PREPL: variants seen among roughly 807,000 people sequenced by gnomAD.
PREPL encodes prolyl endopeptidase-like.
A neutral mutation model predicts 70.6 loss-of-function variants in PREPL; 77 were observed. The observed-to-expected ratio is 1.09, with a 90% confidence interval of 0.91 to 1.32. The LOEUF is 1.32. Among genes scored for constraint, PREPL ranks in the 40% most tolerant of loss-of-function variants. The probability of loss-of-function intolerance (pLI) is 0.00; values close to 1 mark genes in which losing one functional copy is unlikely to be tolerated. For synonymous variants in PREPL, 315 were observed against 264.8 expected (o/e 1.19, Z -1.84); for missense variants, 1,002 against 778.2 (o/e 1.29, Z -3.42).
At chr2:44,345,778 A>C (rs1675739392) in intron 2 of PREPL, among the ~76,000 whole-genome samples, 1 of 152,222 alleles carries the variant, frequency 6.6e-6, no homozygotes, top group African/African-American at 2.4e-5. Context: ...CAAAACAATC[A>C]AGTAATTTTC....
At chr2:44,328,830 AAT>A in intron 9 of PREPL, 105 bp downstream of exon 9, 1 of 1,163,896 alleles carries the variant, frequency 8.6e-7, no homozygotes, top group South Asian at 1.8e-5. Context: ...AAAATTGAAT[AAT>A]AAGAATGAAA....
At chr2:44,356,810 ATTTT>A (rs60067050) in intron 1 of PREPL, among the ~76,000 whole-genome samples, 1 of 148,156 alleles carries the variant, frequency 6.7e-6, no homozygotes, top group Non-Finnish European at 1.5e-5. Context: ...GAAACTCCCT[ATTTT>A]TTTTTTTTTG....
intron 12 of PREPL, among the ~76,000 whole-genome samples, chr2:44,322,135 G>A (rs929347975): frequency 6.6e-6 from 1 of 152,100 alleles, no homozygotes; most frequent in Non-Finnish European, 1.5e-5. Context: ...GGTGCCACAC[G>A]GACAAGGTTG....
rs1474151314 is a variant in PREPL at position 44,344,021 on chromosome 2, A to T, written c.143-70T>A. On this transcript the variant is annotated intron_variant, in intron 3 of 13. Coordinates refer to ENST00000409411, the MANE Select transcript of PREPL (RefSeq NM_001171613.2). ...TTTAAAAAATTAAAACTGTATTTTA[A>T]TGTTTTAAATTAGAATTCCCATTCT... 26 of 1,496,018 alleles carry T rather than the reference A, an allele frequency of 1.7e-5. No individual in the cohort carries two copies. In the East Asian group the frequency reaches 3.9e-4, roughly 22 times the overall value. The allele number at this position is 1,496,018 out of a possible 1,614,324, so 92.7% of individuals were successfully genotyped here.
chr2:44,350,392 CT>C (rs1280478952), intron 1 of PREPL, among the ~76,000 whole-genome samples: 1 of 152,010 alleles, frequency 6.6e-6, no homozygotes, highest in Non-Finnish European at 1.5e-5. Context: ...AATAATCACA[CT>C]TTAAAAAAAT....
At chr2:44,358,368 A>G (rs1384230712) in intron 1 of PREPL, among the ~76,000 whole-genome samples, 3 of 152,210 alleles carry the variant, frequency 2.0e-5, no homozygotes, top group African/African-American at 7.2e-5. Flanking sequence ...ACAGACTAAA[A>G]GAAAAATCAG....
chr2:44,323,184 G>A (rs1416697334), intron 11 of PREPL, 78 bp downstream of exon 11: 3 of 1,357,044 alleles, frequency 2.2e-6, no homozygotes, highest in Non-Finnish European at 3.0e-6. Flanking sequence ...TCCTATTTTT[G>A]CTTCAGCTTG....
chr2:44,357,099 C>A (rs187553258), intron 1 of PREPL, among the ~76,000 whole-genome samples: 3 of 152,316 alleles, frequency 2.0e-5, no homozygotes, highest in Admixed American at 2.0e-4. Flanking sequence ...AGCCAGTATG[C>A]CTGATCAGAA....
chr2:44,328,559 G>T (rs1175873728), intron 9 of PREPL, among the ~76,000 whole-genome samples: 1 of 151,682 alleles, frequency 6.6e-6, no homozygotes, highest in African/African-American at 2.4e-5. Flanking sequence ...GGGAGGTGGA[G>T]AAGAATTTTA....
chr2:44,348,230 A>C (rs1168128367), intron 1 of PREPL, among the ~76,000 whole-genome samples: 3 of 152,144 alleles, frequency 2.0e-5, no homozygotes, highest in Non-Finnish European at 4.4e-5. Context: ...AAGATCAAAT[A>C]CTGGAGGCTT....
At chr2:44,324,748 A>C (rs557956097) in intron 10 of PREPL, among the ~76,000 whole-genome samples, 6 of 152,094 alleles carry the variant, frequency 3.9e-5, no homozygotes, top group Admixed American at 2.0e-4. Flanking sequence ...TTAGCAGGGC[A>C]TGGTGGCACA....
chr2:44,346,997 G>C (rs1675899786), intron 1 of PREPL, among the ~76,000 whole-genome samples: 1 of 151,854 alleles, frequency 6.6e-6, no homozygotes. Flanking sequence ...CTTTTCTTGT[G>C]GGAATAACTA....
chr2:44,349,767 C>T (rs917890223), intron 1 of PREPL, among the ~76,000 whole-genome samples: 5 of 151,678 alleles, frequency 3.3e-5, no homozygotes, highest in African/African-American at 7.3e-5. Flanking sequence ...AAAAAGAATA[C>T]GAGGAGAGAA....
chr2:44,353,598 T>A (rs2927433), intron 1 of PREPL, among the ~76,000 whole-genome samples: 79,775 of 149,518 alleles, frequency 0.53, 23,563 homozygotes, highest in Non-Finnish European at 0.67. Context: ...AAAAAATAAA[T>A]AAATAAATAA....
Position 44,326,745 on chromosome 2 carries a change from A to G in PREPL, c.1446T>C (p.Ser482=). ...TCACCGCTCTCACCAGCTCTGGATT[A>G]GAATTACACAATGCTCCTGCAAGCA... The part of the protein sequence containing the change: ...GGVLAGALCN[S]NPELVRAVTL... The change falls in exon 10 of 14, where the codon TCT becomes TCC. Residue 482 remains serine, a synonymous_variant. Transcript: ENST00000409411. 1 of 1,614,120 alleles carries G rather than the reference A, an allele frequency of 6.2e-7. No homozygotes were observed. Among genetic ancestry groups the G allele is most frequent in the Non-Finnish European group, 8.5e-7 (1 of 1,180,012 alleles).
At chr2:44,347,972 T>C (rs1558513326) in intron 1 of PREPL, among the ~76,000 whole-genome samples, 1 of 152,226 alleles carries the variant, frequency 6.6e-6, no homozygotes, top group Non-Finnish European at 1.5e-5. Flanking sequence ...TTGGGACACA[T>C]TATTATTTGA....
At chr2:44,343,645 A>G in intron 4 of PREPL, 100 bp downstream of exon 4, 1 of 1,013,104 alleles carries the variant, frequency 9.9e-7, no homozygotes, top group Non-Finnish European at 1.5e-6. Context: ...TACATGAATC[A>G]GGCATTCACC....
At chr2:44,343,633 G>C (rs1675462453) in intron 4 of PREPL, 112 bp downstream of exon 4, 4 of 887,470 alleles carry the variant, frequency 4.5e-6, no homozygotes, top group Non-Finnish European at 7.3e-6. Flanking sequence ...AGTCCATAGG[G>C]ATACATGAAT....
chr2:44,320,455 A>C lies in PREPL; in HGVS notation c.*901T>G. ...AAAATGAGAATAAGGTTAAGTACCAATTCTGCCGACAAAGGCAGTAAAGTT... is the reference window on the plus strand; with the variant it reads ...AAAATGAGAATAAGGTTAAGTACCACTTCTGCCGACAAAGGCAGTAAAGTT... On this transcript the variant is annotated 3_prime_UTR_variant, in exon 14 of 14. Transcript: ENST00000409411. 6.2e-7 allele frequency: 1 copy of C among 1,614,158 alleles called. No individual in the cohort carries two copies. The highest frequency in any genetic ancestry group is 8.5e-7 in the Non-Finnish European group (1 of 1,179,984).
Sources: gnomAD v4.1 joint callset for allele counts (sites outside exome capture counted in the v4.1 genomes callset) on GRCh38, gnomAD v4.1.1 for gene constraint, MANE v1.5 for transcripts, NCBI Gene and HGNC (gene_info 2026-07-23, HGNC 2026-07-21) for gene names.